The following CNTN1 variants were observed in gnomAD, a reference collection of about 807,000 sequenced individuals.
CNTN1 encodes contactin 1.
In CNTN1, 38 loss-of-function variants were observed where a neutral mutation model predicts 126.4. The observed-to-expected ratio is 0.30, with a 90% CI of 0.23 to 0.39. The LOEUF is 0.39. Among genes scored for constraint, CNTN1 ranks in the 10% least tolerant of loss-of-function variants. The pLI is 1.00. For synonymous variants in CNTN1, 413 were observed against 422.6 expected, an observed-to-expected ratio of 0.98 and a Z score of 0.28; for missense variants, 1,009 against 1,248.4, an observed-to-expected ratio of 0.81 and a Z score of 2.89.
At chr12:41,051,448 G>A (rs966939034) in intron 23 of CNTN1, among the ~76,000 whole-genome samples, 5 of 151,846 alleles carry the variant, frequency 3.3e-5, no homozygotes, top group African/African-American at 9.7e-5. Context: ...ACCGCACCCA[G>A]CCTGTTTTGT....
chr12:40,980,803 GACAA>G, intron 15 of CNTN1, 102 bp from the exon 16 acceptor site: 4 of 1,044,670 alleles, frequency 3.8e-6, no homozygotes, highest in Non-Finnish European at 5.9e-6. Context: ...GATTATATTG[GACAA>G]ATGTTCTTTA....
chr12:41,066,108 G>A (rs1479308221), intron 23 of CNTN1, among the ~76,000 whole-genome samples: 1 of 152,140 alleles, frequency 6.6e-6, no homozygotes, highest in African/African-American at 2.4e-5. Flanking sequence ...ATAGACCTCG[G>A]AAGAATAAAA....
intron 23 of CNTN1, among the ~76,000 whole-genome samples, chr12:41,066,218 A>G (rs2121143025): frequency 6.6e-6 from 1 of 152,348 alleles, no homozygotes; most frequent in Non-Finnish European, 1.5e-5. Flanking sequence ...TATCTCTTTA[A>G]TAGGAAAAAA....
intron 1 of CNTN1, among the ~76,000 whole-genome samples, chr12:40,879,810 T>C (rs1943811329): frequency 6.6e-6 from 1 of 152,192 alleles, no homozygotes; most frequent in African/African-American, 2.4e-5. Flanking sequence ...TTATGACTTT[T>C]GCCTTTTGTG....
At chr12:40,862,642 G>A (rs978132070) in intron 1 of CNTN1, among the ~76,000 whole-genome samples, 1 of 152,130 alleles carries the variant, frequency 6.6e-6, no homozygotes, top group Admixed American at 6.6e-5. Context: ...ATCCAATGCA[G>A]AAGCAGAAGT....
At chr12:40,809,201 A>G (rs935747032) in intron 1 of CNTN1, among the ~76,000 whole-genome samples, 4 of 152,222 alleles carry the variant, frequency 2.6e-5, no homozygotes, top group Admixed American at 2.6e-4. Context: ...AGATATTTTT[A>G]TGACTTCCTC....
At chr12:41,015,330 G>T (rs540544065) in intron 18 of CNTN1, among the ~76,000 whole-genome samples, 3 of 152,166 alleles carry the variant, frequency 2.0e-5, no homozygotes, top group African/African-American at 7.2e-5. Context: ...AAATTCTGTG[G>T]ATATCTGCTA....
At chr12:41,057,231 A>G (rs1192658122) in intron 23 of CNTN1, among the ~76,000 whole-genome samples, 1 of 146,072 alleles carries the variant, frequency 6.8e-6, no homozygotes, top group East Asian at 2.0e-4. Flanking sequence ...ATATTATTAT[A>G]AATATTTAGA....
chr12:40,759,730 A>C (rs982529194), intron 1 of CNTN1, among the ~76,000 whole-genome samples: 11 of 151,294 alleles, frequency 7.3e-5, no homozygotes, highest in Middle Eastern at 3.5e-3. Context: ...CGGCCTCCCA[A>C]AGTGCTGGGA....
intron 1 of CNTN1, among the ~76,000 whole-genome samples, chr12:40,861,722 AT>A (rs1414443181): frequency 1.3e-5 from 2 of 152,070 alleles, no homozygotes; most frequent in Non-Finnish European, 2.9e-5. Flanking sequence ...TTACTCATTA[AT>A]TTTTTATTGG....
At chr12:40,751,427 A>T (rs1330296625) in intron 1 of CNTN1, among the ~76,000 whole-genome samples, 1 of 152,022 alleles carries the variant, frequency 6.6e-6, no homozygotes, top group Non-Finnish European at 1.5e-5. Flanking sequence ...TCTATCCTCA[A>T]ATTTCTTACA....
intron 23 of CNTN1, among the ~76,000 whole-genome samples, chr12:41,064,587 C>T (rs965482555): frequency 6.6e-6 from 1 of 152,156 alleles, no homozygotes; most frequent in African/African-American, 2.4e-5. Flanking sequence ...AGCAGAGTCC[C>T]ACATGTTCCA....
At chr12:40,709,345 G>A (rs1263583711) in intron 1 of CNTN1, among the ~76,000 whole-genome samples, 1 of 152,188 alleles carries the variant, frequency 6.6e-6, no homozygotes, top group African/African-American at 2.4e-5. Flanking sequence ...GCTGTAAACA[G>A]ATATGCTACA....
intron 1 of CNTN1, among the ~76,000 whole-genome samples, chr12:40,694,258 A>G (rs1036387287): frequency 6.6e-6 from 1 of 152,236 alleles, no homozygotes; most frequent in Non-Finnish European, 1.5e-5. Context: ...CAGATTTTAC[A>G]TGTGGACCTG....
At chr12:40,925,808 A>G (rs1049983530) in intron 6 of CNTN1, among the ~76,000 whole-genome samples, 9 of 78,088 alleles carry the variant, frequency 1.2e-4, no homozygotes, top group Admixed American at 3.8e-4. Context: ...AATTATATAT[A>G]TATATATATA....
chr12:41,034,220 C>T (rs1055245135), intron 23 of CNTN1, among the ~76,000 whole-genome samples: 1 of 151,990 alleles, frequency 6.6e-6, no homozygotes, highest in Non-Finnish European at 1.5e-5. Context: ...TGTAATTTAT[C>T]CTGATATTAC....
At chr12:40,900,871 A>G (rs1474140322) in intron 1 of CNTN1, among the ~76,000 whole-genome samples, 1 of 152,220 alleles carries the variant, frequency 6.6e-6, no homozygotes, top group Non-Finnish European at 1.5e-5. Context: ...AACATGGTAG[A>G]TAGGTTTCAG....
intron 1 of CNTN1, among the ~76,000 whole-genome samples, chr12:40,736,552 G>A (rs899820010): frequency 6.6e-6 from 1 of 152,028 alleles, no homozygotes; most frequent in Non-Finnish European, 1.5e-5. Context: ...CAGAGCAAAA[G>A]AGCAGATTAC....
chr12:40,920,846 A>C (rs1455184764), intron 4 of CNTN1, among the ~76,000 whole-genome samples: 5 of 152,220 alleles, frequency 3.3e-5, no homozygotes, highest in Non-Finnish European at 7.3e-5. Context: ...CTGAAACTAG[A>C]CCAGTGAACT....
Sources: allele counts gnomAD v4.1 joint callset (sites outside exome capture counted in the v4.1 genomes callset), GRCh38; gene constraint gnomAD v4.1.1; transcripts MANE v1.5; gene names NCBI Gene and HGNC (gene_info 2026-07-23, HGNC 2026-07-21).